The following MCPH1 variants were observed in gnomAD, a reference collection of about 807,000 sequenced individuals.
MCPH1 encodes microcephalin.
A neutral mutation model predicts 84.5 loss-of-function variants in MCPH1; 104 were observed. The observed-to-expected ratio is 1.23, with a 90% CI of 1.05 to 1.45. MCPH1 has a LOEUF of 1.45. Among genes scored for constraint, MCPH1 ranks in the 40% most tolerant of loss-of-function variants. The pLI is 0.00. For synonymous variants in MCPH1, 514 were observed against 366.8 expected (o/e 1.40, Z -4.58); for missense variants, 1,498 against 1,005.7 (o/e 1.49, Z -6.62).
intron 12 of MCPH1, among the ~76,000 whole-genome samples, chr8:6,595,301 G>C (rs553583186): frequency 2.0e-5 from 3 of 152,320 alleles, no homozygotes; most frequent in African/African-American, 7.2e-5. Flanking sequence ...TAAGCAAATA[G>C]GGTATGTACT....
intron 3 of MCPH1, among the ~76,000 whole-genome samples, chr8:6,417,791 G>C (rs934388280): frequency 5.3e-5 from 8 of 152,014 alleles, no homozygotes; most frequent in African/African-American, 1.9e-4. Context: ...TTTGAGGTTG[G>C]TATCTGTTTT....
At chr8:6,412,641 C>G (rs1044445605) in intron 2 of MCPH1, among the ~76,000 whole-genome samples, 3 of 152,252 alleles carry the variant, frequency 2.0e-5, no homozygotes, top group East Asian at 1.9e-4. Flanking sequence ...CCCCTTGTCT[C>G]TTTGAGGCTT....
At chr8:6,620,707 T>C (rs1260147026) in intron 12 of MCPH1, among the ~76,000 whole-genome samples, 2 of 152,138 alleles carry the variant, frequency 1.3e-5, no homozygotes, top group Admixed American at 1.3e-4. Context: ...ACTGAAGAAG[T>C]CTTTACCAAC....
chr8:6,471,873 G>A (rs1330855475), intron 9 of MCPH1, among the ~76,000 whole-genome samples: 1 of 152,186 alleles, frequency 6.6e-6, no homozygotes, highest in East Asian at 1.9e-4. Flanking sequence ...TGCTGATCAG[G>A]GAAGTGTCAG....
intron 12 of MCPH1, among the ~76,000 whole-genome samples, chr8:6,588,429 T>C (rs1828168613): frequency 6.6e-6 from 1 of 152,130 alleles, no homozygotes. Context: ...TACTTTATGA[T>C]TGCGAGGAAT....
At chr8:6,517,479 T>A (rs1346668905) in intron 12 of MCPH1, among the ~76,000 whole-genome samples, 4 of 152,248 alleles carry the variant, frequency 2.6e-5, no homozygotes, top group Non-Finnish European at 5.9e-5. Flanking sequence ...CAAATGAATT[T>A]TTCAAAACTA....
At chr8:6,464,679 A>T (rs1057336933) in intron 9 of MCPH1, among the ~76,000 whole-genome samples, 43 of 152,268 alleles carry the variant, frequency 2.8e-4, no homozygotes, top group Admixed American at 8.5e-4. Flanking sequence ...CTAAGAGAGG[A>T]GCTAGCCGAA....
At position 6,647,036 on chromosome 8, in the gene MCPH1, A is replaced by C. The variant is rs984652658; in HGVS notation, c.*3987A>C. ...AAGACAAGCCACAGACTATGAAAAAATACTTGCAAATCATATATCTGATAA... is the reference window on the plus strand; with the variant it reads ...AAGACAAGCCACAGACTATGAAAAACTACTTGCAAATCATATATCTGATAA... On this transcript the variant is annotated 3_prime_UTR_variant, in exon 14 of 14. Transcript: ENST00000344683. The C allele has an allele frequency of 2.0e-5, 3 of 152,226 alleles. No individual in the cohort carries two copies. The highest frequency in any genetic ancestry group is 4.4e-5 in the Non-Finnish European group (3 of 68,044). 9.4% of individuals were successfully genotyped at this position (152,226 alleles called of 1,614,324 possible). A position where few individuals can be genotyped will look rare whatever the true frequency, so the allele number is the denominator to read the frequency against.
At chr8:6,630,821 C>CA (rs1242484848) in intron 13 of MCPH1, among the ~76,000 whole-genome samples, 12 of 142,106 alleles carry the variant, frequency 8.4e-5, no homozygotes, top group South Asian at 4.6e-4. Context: ...TATATATCAA[C>CA]AAAAAAAAGA....
At chr8:6,424,373 C>T (rs1456576450) in intron 3 of MCPH1, among the ~76,000 whole-genome samples, 1 of 152,172 alleles carries the variant, frequency 6.6e-6, no homozygotes, top group East Asian at 1.9e-4. Context: ...GCCATCACCC[C>T]CTGCATTTAG....
At chr8:6,459,749 A>C (rs1034304553) in intron 9 of MCPH1, among the ~76,000 whole-genome samples, 1 of 152,180 alleles carries the variant, frequency 6.6e-6, no homozygotes, top group Non-Finnish European at 1.5e-5. Context: ...TTTAAATCTG[A>C]AGTAGCACTT....
At chr8:6,446,077 C>T (rs1804326145) in intron 8 of MCPH1, 4 of 978,814 alleles carry the variant, frequency 4.1e-6, no homozygotes, top group Non-Finnish European at 3.6e-6. Flanking sequence ...TATGAAGAAA[C>T]ATTTAAACAT....
At chr8:6,480,262 C>G (rs1809026410) in intron 10 of MCPH1, among the ~76,000 whole-genome samples, 1 of 152,072 alleles carries the variant, frequency 6.6e-6, no homozygotes, top group Non-Finnish European at 1.5e-5. Flanking sequence ...GTAGCTGGAA[C>G]AACAGGCGCG....
intron 2 of MCPH1, among the ~76,000 whole-genome samples, chr8:6,410,212 G>A (rs575853400): frequency 4.0e-4 from 60 of 151,828 alleles, no homozygotes; most frequent in African/African-American, 1.4e-3. Context: ...CTGATCTCGT[G>A]ATCCGCCCAC....
At chr8:6,614,651 T>G (rs1257034477) in intron 12 of MCPH1, among the ~76,000 whole-genome samples, 2 of 152,204 alleles carry the variant, frequency 1.3e-5, no homozygotes, top group African/African-American at 4.8e-5. Flanking sequence ...TGTAGTTCAA[T>G]GCCTATATCT....
At chr8:6,458,826 T>G (rs1477531639) in intron 9 of MCPH1, among the ~76,000 whole-genome samples, 1 of 151,980 alleles carries the variant, frequency 6.6e-6, no homozygotes, top group Admixed American at 6.6e-5. Context: ...TTAAGTTTTT[T>G]GTAGAGATGG....
chr8:6,611,241 T>C (rs1830237104), intron 12 of MCPH1, among the ~76,000 whole-genome samples: 1 of 151,918 alleles, frequency 6.6e-6, no homozygotes, highest in African/African-American at 2.4e-5. Flanking sequence ...TGTCCTACAA[T>C]CCAATTGTGG....
intron 12 of MCPH1, among the ~76,000 whole-genome samples, chr8:6,606,215 C>G (rs1488426993): frequency 1.3e-5 from 2 of 152,188 alleles, no homozygotes; most frequent in Non-Finnish European, 2.9e-5. Context: ...TAAGGCAACA[C>G]AAATTACTGA....
chr8:6,519,760 G>T, intron 12 of MCPH1: 2 of 1,438,558 alleles, frequency 1.4e-6, no homozygotes, highest in Non-Finnish European at 1.9e-6. Flanking sequence ...ACTGTGTGAG[G>T]CTGGGGAAGA....
Sources: gnomAD v4.1 joint callset for allele counts (sites outside exome capture counted in the v4.1 genomes callset) on GRCh38, gnomAD v4.1.1 for gene constraint, MANE v1.5 for transcripts, NCBI Gene and HGNC (gene_info 2026-07-23, HGNC 2026-07-21) for gene names.